Variants in SPOCK3 observed in about 807,000 individuals in gnomAD.
The protein encoded by SPOCK3 is testican-3.
Under a neutral mutation model 56.6 loss-of-function variants are expected in SPOCK3, and 30 were observed. That is an observed-to-expected ratio of 0.53 (90% confidence interval 0.40 to 0.72). The LOEUF (loss-of-function observed/expected upper bound fraction) is 0.72. Among genes scored for constraint, SPOCK3 ranks in the 30% least tolerant of loss-of-function variants. SPOCK3 has a pLI of 0.00. For missense variants in SPOCK3, 527 were observed against 530.0 expected (o/e 0.99, Z 0.06); for synonymous variants, 196 against 183.3 (o/e 1.07, Z -0.56).
At chr4:166,899,293 T>TCTAA (rs57155873) in intron 5 of SPOCK3, among the ~76,000 whole-genome samples, 33,671 of 139,036 alleles carry the variant, frequency 0.24, 4,961 homozygotes, top group South Asian at 0.27. Context: ...TATCTATCTA[T>TCTAA]CTATCTATGT....
intron 2 of SPOCK3, among the ~76,000 whole-genome samples, chr4:167,067,613 G>T (rs1019237277): frequency 1.3e-5 from 2 of 151,698 alleles, no homozygotes; most frequent in African/African-American, 4.8e-5. Context: ...CCTGAAGTCT[G>T]ATGTCAAACT....
chr4:166,830,021 C>T (rs901600715), intron 6 of SPOCK3, among the ~76,000 whole-genome samples: 5 of 152,074 alleles, frequency 3.3e-5, no homozygotes, highest in African/African-American at 4.8e-5. Context: ...TTTTTAAATG[C>T]TCACCTTTCT....
intron 4 of SPOCK3, among the ~76,000 whole-genome samples, chr4:166,940,893 G>A (rs779338548): frequency 6.7e-6 from 1 of 149,452 alleles, no homozygotes; most frequent in Non-Finnish European, 1.5e-5. Flanking sequence ...GAAGTTTCCC[G>A]AGTGCTGATC....
At chr4:166,792,366 T>C in intron 6 of SPOCK3, 77 bp from the exon 7 acceptor site, 1 of 1,506,966 alleles carries the variant, frequency 6.6e-7, no homozygotes, top group Non-Finnish European at 9.1e-7. Context: ...ATTAGTCCAA[T>C]AAACTGAAAG....
intron 3 of SPOCK3, among the ~76,000 whole-genome samples, chr4:167,044,061 C>A (rs1292644003): frequency 1.3e-5 from 2 of 151,930 alleles, no homozygotes; most frequent in African/African-American, 4.8e-5. Context: ...CCAGTATATC[C>A]AACTGAGTTT....
At chr4:166,859,438 C>A (rs191352912) in intron 6 of SPOCK3, among the ~76,000 whole-genome samples, 1 of 152,188 alleles carries the variant, frequency 6.6e-6, no homozygotes, top group Non-Finnish European at 1.5e-5. Flanking sequence ...TTTAAAATTG[C>A]ACAAATGTAT....
In SPOCK3 at chr4:166,749,297, C is replaced by G. The variant is rs1736050798; in HGVS notation, c.931+5211G>C. ...TGTGGCACATATACATCTTGGAATA[C>G]TATGCAGCCATAAAAAAAGATGAGT... On this transcript the variant is annotated intron_variant, in intron 8 of 10. Transcript: ENST00000357545. Among the ~76,000 whole-genome samples, 2 of 137,366 alleles carry G rather than the reference C, an allele frequency of 1.5e-5. 1 individual carries two copies. The allele number at this position is 137,366 out of a possible 152,430, so 90.1% of individuals were successfully genotyped here. A position where few individuals can be genotyped will look rare whatever the true frequency, so the allele number is the denominator to read the frequency against.
chr4:167,044,093 T>C (rs1753494447), intron 3 of SPOCK3, among the ~76,000 whole-genome samples: 1 of 152,036 alleles, frequency 6.6e-6, no homozygotes, highest in Non-Finnish European at 1.5e-5. Context: ...TTTTGACAGG[T>C]TATTAATTTT....
chr4:166,775,534 A>G (rs1025809485), intron 7 of SPOCK3, among the ~76,000 whole-genome samples: 6 of 152,230 alleles, frequency 3.9e-5, no homozygotes, highest in African/African-American at 1.4e-4. Flanking sequence ...TCTGGGCATC[A>G]AAGCTAGAAG....
rs186701419 is a variant in SPOCK3 at position 166,776,338 on chromosome 4, G to A, written c.709+15832C>T. Among the ~76,000 whole-genome samples the A allele has an allele frequency of 9.1e-4, 138 of 152,106 alleles. 1 individual carries two copies. The highest frequency in any genetic ancestry group is 2.9e-3 in the African/African-American group (120 of 41,500). ...TGAGGCAGGAGAATCGCTTCAACCC[G>A]GGAAGTGGATGTTGCAGTGAGCCGA... On this transcript the variant is annotated intron_variant, in intron 7 of 10. Transcript: ENST00000357545.
At chr4:167,194,478 A>G (rs1028784616) in intron 2 of SPOCK3, among the ~76,000 whole-genome samples, 1 of 152,068 alleles carries the variant, frequency 6.6e-6, no homozygotes, top group Non-Finnish European at 1.5e-5. Flanking sequence ...GTCATGTTTT[A>G]CTTGTGTGGT....
In SPOCK3 at chr4:166,734,593, C is replaced by T. The variant is rs1734031249; in HGVS notation, c.*328G>A. 1.0e-5 allele frequency: 2 copies of T among 196,708 alleles called. No individual in the cohort carries two copies. The highest frequency in any genetic ancestry group is 2.3e-5 in the African/African-American group (1 of 43,242). 12.2% of individuals were successfully genotyped at this position (196,708 alleles called of 1,614,324 possible). A position where few individuals can be genotyped will look rare whatever the true frequency, so the allele number is the denominator to read the frequency against. On this transcript the variant is annotated 3_prime_UTR_variant, in exon 11 of 11. Transcript: ENST00000357545. ...TTTCAGAAAATTAACATGTACGATC[C>T]CAAGCACTAGCTGTCATTTTGCTTA...
intron 2 of SPOCK3, among the ~76,000 whole-genome samples, chr4:167,212,157 C>A (rs1734935056): frequency 6.6e-6 from 1 of 152,072 alleles, no homozygotes; most frequent in Non-Finnish European, 1.5e-5. Flanking sequence ...GCCTTTACTC[C>A]AAGGCACTAC....
chr4:166,865,545 C>T (rs1300289962), intron 6 of SPOCK3, among the ~76,000 whole-genome samples: 1 of 152,098 alleles, frequency 6.6e-6, no homozygotes, highest in East Asian at 1.9e-4. Flanking sequence ...CATCTCAGGC[C>T]AAAAACTCCT....
At position 167,125,195 on chromosome 4, in the gene SPOCK3, A is replaced by T. The variant is rs1361481075; in HGVS notation, c.190-62658T>A. Reference sequence around the variant, plus strand: ...CTTTGTATGAGCACAGAGATTTTTTATTTATTTATTTATTTATTTATTTAT... The same window carrying T: ...CTTTGTATGAGCACAGAGATTTTTTTTTTATTTATTTATTTATTTATTTAT... On this transcript the variant is annotated intron_variant, in intron 2 of 10. Coordinates refer to ENST00000357545, the MANE Select transcript of SPOCK3 (RefSeq NM_001040159.2). Among the ~76,000 whole-genome samples the T allele has an allele frequency of 7.6e-5, 10 of 132,356 alleles. No homozygotes were observed. The East Asian group carries it at 1.7e-3, about 23-fold the overall frequency. The allele number at this position is 132,356 out of a possible 152,430, so 86.8% of individuals were successfully genotyped here.
intron 2 of SPOCK3, among the ~76,000 whole-genome samples, chr4:167,207,589 C>T (rs1055181262): frequency 7.2e-5 from 11 of 152,076 alleles, no homozygotes; most frequent in African/African-American, 2.7e-4. Flanking sequence ...TACAAACCCA[C>T]CATCTGTAGC....
chr4:166,955,269 T>C (rs1160153924), intron 4 of SPOCK3, among the ~76,000 whole-genome samples: 4 of 151,358 alleles, frequency 2.6e-5, no homozygotes, highest in African/African-American at 7.3e-5. Flanking sequence ...AATACATATA[T>C]TTATTTTAAT....
intron 3 of SPOCK3, among the ~76,000 whole-genome samples, chr4:167,043,107 T>A (rs2150204612): frequency 6.6e-6 from 1 of 152,184 alleles, no homozygotes. Context: ...TTCTCTCACT[T>A]AGTAGTCTGC....
rs1736829006 is a variant in SPOCK3, at chr4:166,754,641, G to T, written c.798C>A (p.Asp266Glu). The change falls in exon 8 of 11, where the codon GAC (aspartate) becomes GAA (glutamate). Residue 266 changes from aspartate to glutamate, a missense_variant. Physicochemically the swap from Asp to Glu is conservative, Grantham distance 45. Coordinates refer to ENST00000357545, the MANE Select transcript of SPOCK3 (RefSeq NM_001040159.2). ...GGTAAATGCTTCTGAGCTCTGACTG[G>T]TCCAATAGCAGGTCATAGTTTGTAT... ...RLDTNYDLLL[D>E]QSELRSIYLD... is the part of the protein sequence containing the mutation. 6.2e-7 allele frequency: 1 copy of T among 1,613,516 alleles called. No homozygotes were observed. Among genetic ancestry groups the T allele is most frequent in the South Asian group, 1.1e-5 (1 of 91,072 alleles).
Sources: gnomAD v4.1 joint callset for allele counts (sites outside exome capture counted in the v4.1 genomes callset) on GRCh38, gnomAD v4.1.1 for gene constraint, MANE v1.5 for transcripts, NCBI Gene and HGNC (gene_info 2026-07-23, HGNC 2026-07-21) for gene names.